NINL: variants seen among roughly 807,000 people sequenced by gnomAD.
The protein encoded by NINL is ninein like, also known as ninein-like protein.
NINL carries 153 observed loss-of-function variants against 160.3 expected under a neutral mutation model. That is an observed-to-expected ratio of 0.95 (90% confidence interval 0.84 to 1.09). The LOEUF (loss-of-function observed/expected upper bound fraction) is 1.09. Ranked by LOEUF, NINL falls within the 50% of genes least tolerant of loss-of-function variation. NINL has a pLI of 0.00. For missense variants in NINL, 1,829 were observed against 1,764.0 expected (o/e 1.04, Z -0.66); for synonymous variants, 800 against 734.8 (o/e 1.09, Z -1.43).
intron 10 of NINL, among the ~76,000 whole-genome samples, chr20:25,493,045 C>T (rs1367922237): frequency 6.6e-6 from 1 of 152,160 alleles, no homozygotes; most frequent in Non-Finnish European, 1.5e-5. Context: ...ACCTCGAATG[C>T]ATCCCTCCAC....
At chr20:25,581,232 T>A (rs943671143) in intron 1 of NINL, among the ~76,000 whole-genome samples, 1 of 152,148 alleles carries the variant, frequency 6.6e-6, no homozygotes, top group Admixed American at 6.5e-5. Flanking sequence ...TCATTTGAGG[T>A]CAGGAGTTTG....
At chr20:25,553,289 C>G (rs1187499163) in intron 1 of NINL, among the ~76,000 whole-genome samples, 4 of 151,682 alleles carry the variant, frequency 2.6e-5, no homozygotes, top group Non-Finnish European at 5.9e-5. Flanking sequence ...TAATTGGCTT[C>G]AGACATACTG....
At position 25,482,040 on chromosome 20, in the gene NINL, G is replaced by A. The variant is rs1165548951; in HGVS notation, c.1738C>T (p.Pro580Ser). 6.3e-7 allele frequency: 1 copy of A among 1,598,560 alleles called. No homozygotes were observed. The highest frequency in any genetic ancestry group is 1.7e-5 in the Admixed American group (1 of 60,010). ...AELEGLWARL[P>S]KNRHSPSWSP... Reference sequence around the variant, plus strand: ...CATGAGGGGCTGTGCCGGTTCTTGGGCAGCCGCGCCCACAGGCCTTCCAGC... The same window carrying A: ...CATGAGGGGCTGTGCCGGTTCTTGGACAGCCGCGCCCACAGGCCTTCCAGC... Residue 580 changes from proline to serine, a missense_variant, in exon 14 of 24, where the codon CCC (proline) becomes TCC (serine). Pro to Ser is a moderately conservative substitution (Grantham distance 74). Coordinates refer to ENST00000278886, the MANE Select transcript of NINL (RefSeq NM_025176.6).
intron 2 of NINL, among the ~76,000 whole-genome samples, chr20:25,522,017 C>T (rs2064272313): frequency 6.6e-6 from 1 of 152,146 alleles, no homozygotes. Flanking sequence ...AGTGATCCTC[C>T]ACCTTGGCCT....
chr20:25,503,826 A>C, intron 7 of NINL, 126 bp downstream of exon 7: 2 of 1,142,960 alleles, frequency 1.7e-6, no homozygotes, highest in Non-Finnish European at 2.6e-6. Flanking sequence ...GCGTGTGTGC[A>C]TGGCCTGTCC....
intron 23 of NINL, 92 bp downstream of exon 23, chr20:25,455,581 C>G (rs1006170922): frequency 2.3e-6 from 2 of 855,162 alleles, no homozygotes; most frequent in African/African-American, 1.7e-5. Flanking sequence ...GACAAGACAG[C>G]CTTTTCCTGT....
chr20:25,462,965 C>T (rs922760500), intron 19 of NINL, among the ~76,000 whole-genome samples: 2 of 152,134 alleles, frequency 1.3e-5, no homozygotes. Flanking sequence ...CCACCTTGCC[C>T]CCTAAAATAC....
intron 2 of NINL, among the ~76,000 whole-genome samples, chr20:25,523,691 G>A (rs1462765226): frequency 6.6e-6 from 1 of 152,170 alleles, no homozygotes; most frequent in East Asian, 1.9e-4. Context: ...CGCCCAGGCT[G>A]GAGTGCAATG....
At chr20:25,583,304 G>A (rs1170970743) in intron 1 of NINL, among the ~76,000 whole-genome samples, 1 of 152,046 alleles carries the variant, frequency 6.6e-6, no homozygotes, top group Admixed American at 6.6e-5. Flanking sequence ...TCAAAAAGTG[G>A]CCAAAGGAAA....
chr20:25,488,791 T>A (rs1211241037), intron 13 of NINL, among the ~76,000 whole-genome samples: 1 of 152,138 alleles, frequency 6.6e-6, no homozygotes, highest in Non-Finnish European at 1.5e-5. Context: ...ATTTAAAAAA[T>A]TTCCACTTTA....
intron 20 of NINL, 50 bp downstream of exon 20, chr20:25,462,333 C>T (rs763572519): frequency 7.6e-6 from 12 of 1,585,388 alleles, no homozygotes; most frequent in African/African-American, 5.4e-5. Context: ...CGCCTCCCCA[C>T]CCTGAGCTCC....
chr20:25,483,344 A>G (rs1035359351), intron 13 of NINL, among the ~76,000 whole-genome samples: 17 of 152,194 alleles, frequency 1.1e-4, no homozygotes, highest in Admixed American at 5.2e-4. Context: ...ACAAAAAAAA[A>G]AAAAGAAAAG....
At position 25,462,078 on chromosome 20, in the gene NINL, C is replaced by G. The variant is rs574381765; in HGVS notation, c.3582+305G>C. Among the ~76,000 whole-genome samples, 10 of 152,338 alleles carry G rather than the reference C, an allele frequency of 6.6e-5. No individual in the cohort carries two copies. The East Asian group carries it at 1.9e-3, about 29-fold the overall frequency. ...ACAAGGCTCTCGGGAACATCCCCATCGGAATCGTGAAGTCAAGGCATGTGG... is the reference window on the plus strand; with the variant it reads ...ACAAGGCTCTCGGGAACATCCCCATGGGAATCGTGAAGTCAAGGCATGTGG... On this transcript the variant is annotated intron_variant, in intron 20 of 23. Transcript: ENST00000278886.
At position 25,505,023 on chromosome 20, in the gene NINL, G is replaced by A. The variant is rs34585177; in HGVS notation, c.573C>T (p.Ser191=). ...EDFGSPQKSC[S]PSFDTPESQI... is the part of the protein sequence containing the mutation. ...GGCTCTCTGGGGTGTCAAAGGAGGG[G>A]CTGCAGGACTTCTGGGGGCTCCCAA... is the stretch of plus-strand genomic sequence containing the variant. Residue 191 remains serine (S), a synonymous_variant, in exon 6 of 24, where the codon AGC becomes AGT. Transcript: ENST00000278886. 1 of 1,612,710 alleles carries A rather than the reference G, an allele frequency of 6.2e-7. No individual in the cohort carries two copies. The highest frequency in any genetic ancestry group is 1.7e-5 in the Admixed American group (1 of 59,868).
chr20:25,554,110 C>T (rs753666926), intron 1 of NINL, among the ~76,000 whole-genome samples: 2 of 152,162 alleles, frequency 1.3e-5, no homozygotes, highest in African/African-American at 2.4e-5. Flanking sequence ...TTTCAGGCAA[C>T]GTTCAGGAAG....
chr20:25,461,154 G>A (rs1343379340), intron 21 of NINL, among the ~76,000 whole-genome samples: 1 of 152,234 alleles, frequency 6.6e-6, no homozygotes, highest in African/African-American at 2.4e-5. Flanking sequence ...CCAGTGTCAT[G>A]CATGCCCATG....
At chr20:25,499,889 A>C (rs1275681918) in intron 8 of NINL, among the ~76,000 whole-genome samples, 1 of 148,414 alleles carries the variant, frequency 6.7e-6, no homozygotes. Flanking sequence ...GATTTATCAT[A>C]GGAAAAGCGA....
At chr20:25,583,484 G>C (rs554099165) in intron 1 of NINL, among the ~76,000 whole-genome samples, 7 of 152,208 alleles carry the variant, frequency 4.6e-5, no homozygotes, top group African/African-American at 1.7e-4. Context: ...ACAGATGCTG[G>C]AGAGGCTGTG....
At chr20:25,562,170 G>A (rs1808705426) in intron 1 of NINL, among the ~76,000 whole-genome samples, 2 of 145,896 alleles carry the variant, frequency 1.4e-5, no homozygotes, top group Non-Finnish European at 3.0e-5. Flanking sequence ...CGGGAGGGAG[G>A]TGGGGGGTCA....
Sources: allele counts gnomAD v4.1 joint callset (sites outside exome capture counted in the v4.1 genomes callset), GRCh38; gene constraint gnomAD v4.1.1; transcripts MANE v1.5; gene names NCBI Gene and HGNC (gene_info 2026-07-23, HGNC 2026-07-21).